The following TNFSF4 variants were observed in gnomAD, a reference collection of about 807,000 sequenced individuals.
The protein encoded by TNFSF4 is tumor necrosis factor ligand superfamily member 4.
TNFSF4 carries 4 observed loss-of-function variants against 7.3 expected under a neutral mutation model. The observed-to-expected ratio is 0.55, with a 90% CI of 0.27 to 1.25. The LOEUF (loss-of-function observed/expected upper bound fraction) is 1.25, where lower values mean the gene tolerates loss of function less well. Among genes scored for constraint, TNFSF4 ranks in the 50% most tolerant of loss-of-function variants. The pLI is 0.12. For synonymous variants in TNFSF4, 76 were observed against 83.7 expected, an observed-to-expected ratio of 0.91 and a Z score of 0.50; for missense variants, 181 against 208.8, an observed-to-expected ratio of 0.87 and a Z score of 0.82.
chr1:173,178,713 G>A, the TNFSF4 span, among the ~76,000 whole-genome samples: 1 of 152,084 alleles, frequency 6.6e-6, no homozygotes, highest in South Asian at 2.1e-4. Context: ...ATTTCCGGTA[G>A]GTTGAATAAT....
At chr1:173,353,063 G>A in the TNFSF4 span, among the ~76,000 whole-genome samples, 1 of 152,106 alleles carries the variant, frequency 6.6e-6, no homozygotes, top group Non-Finnish European at 1.5e-5. Context: ...CTGTTATCCT[G>A]TTCTTTTCTC....
the TNFSF4 span, among the ~76,000 whole-genome samples, chr1:173,223,803 C>G: frequency 1.3e-5 from 2 of 152,276 alleles, no homozygotes; most frequent in African/African-American, 4.8e-5. Context: ...GAAACTCTAT[C>G]ACGCCTCGTA....
the TNFSF4 span, among the ~76,000 whole-genome samples, chr1:173,390,497 G>C: frequency 1.3e-5 from 2 of 152,216 alleles, no homozygotes; most frequent in Non-Finnish European, 2.9e-5. Flanking sequence ...TGGCATTTCT[G>C]GGTGTTTTGC....
At chr1:173,335,497 G>A in the TNFSF4 span, among the ~76,000 whole-genome samples, 2 of 152,146 alleles carry the variant, frequency 1.3e-5, no homozygotes, top group East Asian at 3.8e-4. Context: ...CAAAGGCAAG[G>A]GGGATGTGAT....
At chr1:173,326,536 G>C in the TNFSF4 span, among the ~76,000 whole-genome samples, 2 of 152,130 alleles carry the variant, frequency 1.3e-5, no homozygotes, top group African/African-American at 4.8e-5. Flanking sequence ...GCAGGAGAAG[G>C]AAATAAAGGG....
intron 1 of TNFSF4, among the ~76,000 whole-genome samples, chr1:173,203,731 G>A (rs553793587): frequency 6.6e-6 from 1 of 152,228 alleles, no homozygotes; most frequent in East Asian, 1.9e-4. Flanking sequence ...AGTAGGAATT[G>A]CTGAAAAAAA....
chr1:173,339,233 T>C, the TNFSF4 span, among the ~76,000 whole-genome samples: 1 of 152,050 alleles, frequency 6.6e-6, no homozygotes, highest in Non-Finnish European at 1.5e-5. Context: ...ATTTTTTTAA[T>C]TAGCTGGGCA....
At chr1:173,405,523 T>C in the TNFSF4 span, among the ~76,000 whole-genome samples, 19 of 152,256 alleles carry the variant, frequency 1.2e-4, no homozygotes, top group East Asian at 2.3e-3. Context: ...GCCAAGATAT[T>C]TGAGGGCACT....
chr1:173,248,612 T>G, the TNFSF4 span, among the ~76,000 whole-genome samples: 1 of 152,144 alleles, frequency 6.6e-6, no homozygotes, highest in East Asian at 1.9e-4. Context: ...GAGAGAGACC[T>G]TTTCAAGATG....
the TNFSF4 span, among the ~76,000 whole-genome samples, chr1:173,268,344 A>G: frequency 6.6e-6 from 1 of 152,146 alleles, no homozygotes; most frequent in African/African-American, 2.4e-5. Context: ...GATGCTCAAT[A>G]TATGTAAAGG....
At chr1:173,385,439 A>G in the TNFSF4 span, among the ~76,000 whole-genome samples, 2 of 152,382 alleles carry the variant, frequency 1.3e-5, 1 homozygote, top group East Asian at 3.8e-4. Context: ...AAAAAGGCTA[A>G]TAACAGCCAC....
the TNFSF4 span, among the ~76,000 whole-genome samples, chr1:173,399,556 T>C: frequency 6.6e-6 from 1 of 151,324 alleles, no homozygotes. Context: ...GTTAGAAAAT[T>C]GATGACAAAG....
the TNFSF4 span, among the ~76,000 whole-genome samples, chr1:173,279,631 C>A: frequency 6.6e-6 from 1 of 152,080 alleles, no homozygotes; most frequent in Admixed American, 6.6e-5. Flanking sequence ...GTGGCACCAG[C>A]CAACTTGTAT....
chr1:173,269,640 G>A, the TNFSF4 span, among the ~76,000 whole-genome samples: 4 of 152,060 alleles, frequency 2.6e-5, no homozygotes, highest in Admixed American at 2.6e-4. Flanking sequence ...TAGACACACT[G>A]GACAAAGGGA....
At chr1:173,412,501 G>A in the TNFSF4 span, among the ~76,000 whole-genome samples, 95,713 of 152,150 alleles carry the variant, frequency 0.63, 31,848 homozygotes, top group Middle Eastern at 0.75. Context: ...GGAAAGACTA[G>A]CGATTTGAAC....
chr1:173,387,299 G>T, the TNFSF4 span, among the ~76,000 whole-genome samples: 1 of 152,060 alleles, frequency 6.6e-6, no homozygotes, highest in African/African-American at 2.4e-5. Flanking sequence ...GGCAATGAGG[G>T]CTCCACCGTC....
chr1:173,244,502 C>A, the TNFSF4 span, among the ~76,000 whole-genome samples: 4 of 150,846 alleles, frequency 2.7e-5, no homozygotes, highest in Non-Finnish European at 5.9e-5. Context: ...ATTAGCCGGG[C>A]GTAGTGGCGG....
the TNFSF4 span, among the ~76,000 whole-genome samples, chr1:173,213,055 T>G: frequency 1.3e-5 from 2 of 152,104 alleles, no homozygotes; most frequent in African/African-American, 4.8e-5. Context: ...TAAACAATAC[T>G]GAAAACAGCA....
At chr1:173,323,475 C>T in the TNFSF4 span, among the ~76,000 whole-genome samples, 5 of 152,292 alleles carry the variant, frequency 3.3e-5, no homozygotes, top group South Asian at 2.1e-4. Flanking sequence ...TCCAAAGGAA[C>T]GCAGCTCCTC....
Sources: allele counts gnomAD v4.1 joint callset (sites outside exome capture counted in the v4.1 genomes callset), GRCh38; gene constraint gnomAD v4.1.1; transcripts MANE v1.5; gene names NCBI Gene and HGNC (gene_info 2026-07-23, HGNC 2026-07-21).